MACROD2: variants seen among roughly 807,000 people sequenced by gnomAD.
MACROD2 encodes the protein ADP-ribose glycohydrolase MACROD2.
Under a neutral mutation model 70.4 loss-of-function variants are expected in MACROD2, and 36 were observed. That is an observed-to-expected ratio of 0.51 (90% CI 0.39 to 0.68). The LOEUF (loss-of-function observed/expected upper bound fraction) is 0.68. Ranked by LOEUF, MACROD2 falls within the 30% of genes least tolerant of loss-of-function variation. The pLI is 0.00. For missense variants in MACROD2, 496 were observed against 538.4 expected (o/e 0.92, Z 0.78); for synonymous variants, 172 against 178.8 (o/e 0.96, Z 0.30).
At chr20:14,091,935 G>A (rs1188633177) in intron 3 of MACROD2, among the ~76,000 whole-genome samples, 1 of 151,930 alleles carries the variant, frequency 6.6e-6, no homozygotes, top group Non-Finnish European at 1.5e-5. Context: ...ATACATTTTT[G>A]TTTCTCTGGG....
chr20:14,378,872 A>G (rs576687021), intron 3 of MACROD2, among the ~76,000 whole-genome samples: 12 of 152,288 alleles, frequency 7.9e-5, no homozygotes, highest in African/African-American at 2.9e-4. Context: ...CCATTTTTAG[A>G]GTACACATTT....
intron 4 of MACROD2, among the ~76,000 whole-genome samples, chr20:14,674,125 A>T (rs2070830267): frequency 6.6e-6 from 1 of 152,152 alleles, no homozygotes; most frequent in South Asian, 2.1e-4. Context: ...AATTACTTTT[A>T]ATTTCAATGA....
intron 3 of MACROD2, among the ~76,000 whole-genome samples, chr20:14,264,426 A>G (rs922042162): frequency 1.3e-5 from 2 of 152,186 alleles, no homozygotes; most frequent in African/African-American, 4.8e-5. Flanking sequence ...AATAACTTGC[A>G]TACTAGGTAA....
intron 8 of MACROD2, among the ~76,000 whole-genome samples, chr20:15,729,745 A>G (rs2050916555): frequency 6.9e-6 from 1 of 144,274 alleles, no homozygotes; most frequent in Non-Finnish European, 1.5e-5. Flanking sequence ...TGCTTAGTAA[A>G]TTTTTCTCCA....
chr20:15,615,827 A>G (rs2146718621), intron 8 of MACROD2, among the ~76,000 whole-genome samples: 1 of 152,344 alleles, frequency 6.6e-6, no homozygotes, highest in East Asian at 1.9e-4. Flanking sequence ...TGTGAGAAGC[A>G]TGAGGGAGCC....
chr20:14,057,032 C>T (rs116024696), intron 2 of MACROD2, among the ~76,000 whole-genome samples: 110 of 152,124 alleles, frequency 7.2e-4, no homozygotes, highest in African/African-American at 2.6e-3. Flanking sequence ...TTTCATTAAA[C>T]ATTGCTTATC....
At chr20:14,034,057 C>T (rs1415672602) in intron 2 of MACROD2, among the ~76,000 whole-genome samples, 3 of 151,984 alleles carry the variant, frequency 2.0e-5, no homozygotes, top group African/African-American at 4.8e-5. Context: ...CTGCAAGCTC[C>T]GCCTCCAGGG....
chr20:15,052,827 G>A (rs1265235893), intron 5 of MACROD2, among the ~76,000 whole-genome samples: 1 of 152,216 alleles, frequency 6.6e-6, no homozygotes, highest in East Asian at 1.9e-4. Context: ...CCAAATGCTA[G>A]GCCTCTTGTG....
intron 15 of MACROD2, among the ~76,000 whole-genome samples, chr20:15,989,462 T>C (rs2066528659): frequency 6.6e-6 from 1 of 152,202 alleles, no homozygotes; most frequent in South Asian, 2.1e-4. Context: ...TGTTTGTCAG[T>C]ATCTCAATCT....
rs142893945 is a variant in MACROD2 at position 15,546,957 on chromosome 20, C to T, written c.645+47110C>T. On this transcript the variant is annotated intron_variant, in intron 8 of 17. Transcript: ENST00000684519. ...CTGGTGAGTGAACAAAATGAATGTCCCTATTACTTCCCATCTCCTTTAATT... is the reference window on the plus strand; with the variant it reads ...CTGGTGAGTGAACAAAATGAATGTCTCTATTACTTCCCATCTCCTTTAATT... 4.5e-3 allele frequency among the ~76,000 whole-genome samples: 688 copies of T among 152,158 alleles called. 9 individuals carry two copies. The highest frequency in any genetic ancestry group is 0.016 in the African/African-American group (649 of 41,490).
intron 4 of MACROD2, among the ~76,000 whole-genome samples, chr20:14,680,676 T>A (rs112860550): frequency 2.0e-5 from 3 of 152,224 alleles, no homozygotes; most frequent in African/African-American, 7.2e-5. Context: ...AGAAAATGTA[T>A]TCCAGAGTCA....
intron 3 of MACROD2, among the ~76,000 whole-genome samples, chr20:14,320,358 G>T (rs1377694001): frequency 6.6e-6 from 1 of 152,046 alleles, no homozygotes; most frequent in Non-Finnish European, 1.5e-5. Flanking sequence ...CTGAAATACT[G>T]CATAGCCGTC....
intron 5 of MACROD2, among the ~76,000 whole-genome samples, chr20:15,041,398 A>G (rs933697738): frequency 1.3e-5 from 2 of 152,124 alleles, no homozygotes; most frequent in Admixed American, 6.5e-5. Flanking sequence ...GATTTTATAG[A>G]AGAATACTAC....
chr20:14,674,790 G>A (rs188964151), intron 4 of MACROD2, among the ~76,000 whole-genome samples: 84 of 152,282 alleles, frequency 5.5e-4, no homozygotes, highest in Non-Finnish European at 9.9e-4. Flanking sequence ...CAAATTTATG[G>A]TAATTCGATT....
At chr20:15,297,425 TAAG>T (rs1318193723) in intron 6 of MACROD2, among the ~76,000 whole-genome samples, 1 of 152,124 alleles carries the variant, frequency 6.6e-6, no homozygotes, top group Non-Finnish European at 1.5e-5. Flanking sequence ...TCTTTTTAAT[TAAG>T]AAGATCACAA....
At chr20:14,518,259 A>G (rs1040715421) in intron 4 of MACROD2, among the ~76,000 whole-genome samples, 1 of 149,574 alleles carries the variant, frequency 6.7e-6, no homozygotes, top group Non-Finnish European at 1.5e-5. Context: ...TGACTTTTTT[A>G]TATGTATATT....
chr20:14,131,731 T>G (rs953233278), intron 3 of MACROD2, among the ~76,000 whole-genome samples: 1 of 152,118 alleles, frequency 6.6e-6, no homozygotes, highest in Non-Finnish European at 1.5e-5. Flanking sequence ...CTTTTTTAAT[T>G]TAAAAAATTT....
intron 3 of MACROD2, among the ~76,000 whole-genome samples, chr20:14,120,653 A>G (rs1299569845): frequency 6.6e-6 from 1 of 150,732 alleles, no homozygotes; most frequent in Non-Finnish European, 1.5e-5. Context: ...CTAGATAAAG[A>G]AAATGTGATA....
intron 8 of MACROD2, among the ~76,000 whole-genome samples, chr20:15,836,860 C>A (rs996158533): frequency 6.6e-6 from 1 of 152,102 alleles, no homozygotes; most frequent in African/African-American, 2.4e-5. Context: ...AGCAAGTAGA[C>A]CACAGCTATT....
Sources: allele counts gnomAD v4.1 joint callset (sites outside exome capture counted in the v4.1 genomes callset), GRCh38; gene constraint gnomAD v4.1.1; transcripts MANE v1.5; gene names NCBI Gene and HGNC (gene_info 2026-07-23, HGNC 2026-07-21).